LGI4: variants seen among roughly 807,000 people sequenced by gnomAD.
LGI4 encodes the protein leucine-rich repeat LGI family member 4.
In LGI4, 36 loss-of-function variants were observed where a neutral mutation model predicts 48.3. The ratio of observed to expected loss-of-function variants is 0.75; its 90% CI spans 0.57 to 0.98. The LOEUF (loss-of-function observed/expected upper bound fraction) is 0.98, where lower values mean the gene tolerates loss of function less well. Ranked by LOEUF, LGI4 falls within the 50% of genes least tolerant of loss-of-function variation. The pLI, the probability that LGI4 is intolerant of heterozygous loss-of-function variation, is 0.00. For synonymous variants in LGI4, 355 were observed against 331.6 expected (o/e 1.07, Z -0.77); for missense variants, 701 against 732.1 (o/e 0.96, Z 0.49).
Position 35,134,723 on chromosome 19 carries a change from C to G in LGI4, c.-43G>C. The G allele has an allele frequency of 1.8e-6, 2 of 1,106,648 alleles. No homozygotes were observed. The highest frequency in any genetic ancestry group is 4.8e-5 in the Admixed American group (2 of 41,472). The allele number at this position is 1,106,648 out of a possible 1,614,324, so 68.6% of individuals were successfully genotyped here. ...GAGGCACCCGCTTCTCCCGGCCCACCCAGCTCAGCCCAGGCCACTACGTCT... is the reference window on the plus strand; with the variant it reads ...GAGGCACCCGCTTCTCCCGGCCCACGCAGCTCAGCCCAGGCCACTACGTCT... On this transcript the variant is annotated 5_prime_UTR_variant, in exon 1 of 9. Transcript: ENST00000310123.
Position 35,131,489 on chromosome 19 carries a change from G to C in LGI4, c.525C>G (p.Thr175=). 2 of 1,551,262 alleles carry C rather than the reference G, an allele frequency of 1.3e-6. No individual in the cohort carries two copies. The highest frequency in any genetic ancestry group is 1.7e-6 in the Non-Finnish European group (2 of 1,146,958). The change falls in exon 6 of 9, where the codon ACC becomes ACG. Residue 175 remains threonine, a synonymous_variant. Coordinates refer to ENST00000310123, the MANE Select transcript of LGI4 (RefSeq NM_139284.3). ...RVLWLLQWMP[T]VNASVGTGAC... ...CGCCGGTCCCCACGCTGGCATTCACGGTGGGCATCCACTGCAGGAGCCAGA... is the reference window on the plus strand; with the variant it reads ...CGCCGGTCCCCACGCTGGCATTCACCGTGGGCATCCACTGCAGGAGCCAGA...
chr19:35,128,195 TGA>T, intron 6 of LGI4, among the ~76,000 whole-genome samples: 1 of 152,322 alleles, frequency 6.6e-6, no homozygotes, highest in South Asian at 2.1e-4. Context: ...CATGGTATTT[TGA>T]GAGTTTGTGA....
chr19:35,126,522 C>T lies in LGI4; in HGVS notation c.1047G>A (p.Gly349=). The T allele has an allele frequency of 2.6e-6, 4 of 1,544,114 alleles. No individual in the cohort carries two copies. The highest frequency in any genetic ancestry group is 3.5e-6 in the Non-Finnish European group (4 of 1,149,638). ...AGSTTLLCRD[G]PGFYPHQSLH... ...GGCTCTGGTGCGGGTAAAAGCCGGGCCCGTCGCGGCACAGCAGCGTGGTGC... is the reference window on the plus strand; with the variant it reads ...GGCTCTGGTGCGGGTAAAAGCCGGGTCCGTCGCGGCACAGCAGCGTGGTGC... Residue 349 remains glycine (G), a synonymous_variant, in exon 8 of 9, where the codon GGG becomes GGA. Coordinates refer to ENST00000310123, the MANE Select transcript of LGI4 (RefSeq NM_139284.3).
chr19:35,128,092 C>T (rs1417560602), intron 6 of LGI4, among the ~76,000 whole-genome samples: 1 of 152,358 alleles, frequency 6.6e-6, no homozygotes, highest in East Asian at 1.9e-4. Flanking sequence ...GTGGGTGTGC[C>T]ACAACCTGGT....
rs1032213758 is a variant in LGI4 at position 35,135,043 on chromosome 19, T to C, written c.-363A>G. 14 of 190,556 alleles carry C rather than the reference T, an allele frequency of 7.3e-5. No individual in the cohort carries two copies. The highest frequency in any genetic ancestry group is 3.3e-4 in the African/African-American group (14 of 42,380). 11.8% of individuals were successfully genotyped at this position (190,556 alleles called of 1,614,324 possible). ...ATCTGTTGGTCTCTATGTGTGTGAGTGTATGTGAGTGTGTGTGTGTCCTGC... is the reference window on the plus strand; with the variant it reads ...ATCTGTTGGTCTCTATGTGTGTGAGCGTATGTGAGTGTGTGTGTGTCCTGC... On this transcript the variant is annotated 5_prime_UTR_variant, in exon 1 of 9. Coordinates refer to ENST00000310123, the MANE Select transcript of LGI4 (RefSeq NM_139284.3).
At chr19:35,132,302 C>T (rs2145367929) in intron 3 of LGI4, among the ~76,000 whole-genome samples, 1 of 152,244 alleles carries the variant, frequency 6.6e-6, no homozygotes, top group East Asian at 1.9e-4. Context: ...CCAGTGCTGA[C>T]ACCCAAATCA....
rs550380318 is a variant in LGI4 at position 35,131,956 on chromosome 19, G to A, written c.386+15C>T. On this transcript the variant is annotated intron_variant, in intron 4 of 8. Coordinates refer to ENST00000310123, the MANE Select transcript of LGI4 (RefSeq NM_139284.3). ...GGTGCCTCTCATGGAGGGCTGGGGC[G>A]GTGGAGGCACGCACAGGTGTGTAAG... The A allele has an allele frequency of 5.1e-6, 8 of 1,584,138 alleles. No individual in the cohort carries two copies. Among genetic ancestry groups the A allele is most frequent in the Admixed American group, 1.8e-5 (1 of 55,412 alleles).
rs1178996298 is a variant in LGI4 at position 35,125,397 on chromosome 19, GC to G, written c.1409del (p.Gly470AlafsTer99). ...GGACCTGGCTGAAGGCGAAGTCGCT[GC>G]CTAGGATGGCCAGCTGGTCCCTGGC... is the stretch of plus-strand genomic sequence containing the variant. ...LIARDQLAIL[G>X]SDFAFSQVLR... On this transcript the variant is annotated frameshift_variant, in exon 9 of 9. Transcript: ENST00000310123. LOFTEE classifies it high-confidence loss of function. 6.2e-7 allele frequency: 1 copy of G among 1,611,902 alleles called. No individual in the cohort carries two copies. Among genetic ancestry groups the G allele is most frequent in the East Asian group, 2.2e-5 (1 of 44,808 alleles).
intron 8 of LGI4, 86 bp from the exon 9 acceptor site, chr19:35,125,593 C>A (rs2065128194): frequency 1.2e-5 from 13 of 1,111,750 alleles, no homozygotes; most frequent in Non-Finnish European, 1.7e-5. Flanking sequence ...CCTGTCGGTC[C>A]CAAAACTCCC....
At position 35,125,031 on chromosome 19, in the gene LGI4, G is replaced by A. The variant is rs1486732910; in HGVS notation, c.*162C>T. 1.1e-5 allele frequency: 6 copies of A among 555,090 alleles called. No individual in the cohort carries two copies. Among genetic ancestry groups the A allele is most frequent in the Non-Finnish European group, 1.5e-5 (5 of 334,374 alleles). The allele number at this position is 555,090 out of a possible 1,614,324, so 34.4% of individuals were successfully genotyped here. A position where few individuals can be genotyped will look rare whatever the true frequency, so the allele number is the denominator to read the frequency against. On this transcript the variant is annotated 3_prime_UTR_variant, in exon 9 of 9. Coordinates refer to ENST00000310123, the MANE Select transcript of LGI4 (RefSeq NM_139284.3). Reference sequence around the variant, plus strand: ...TGGGACCCTCTATGTCCCCCCATGGGTGCAGATCCTTTAAGAAGTGGGCTT... The same window carrying A: ...TGGGACCCTCTATGTCCCCCCATGGATGCAGATCCTTTAAGAAGTGGGCTT...
chr19:35,133,332 T>C, intron 3 of LGI4: 2 of 1,109,698 alleles, frequency 1.8e-6, no homozygotes, highest in South Asian at 5.0e-5. Flanking sequence ...TTCAGAGTTG[T>C]TTCCTGGTCA....
intron 6 of LGI4, among the ~76,000 whole-genome samples, chr19:35,129,128 G>A (rs554806016): frequency 6.6e-6 from 1 of 152,084 alleles, no homozygotes. Flanking sequence ...GGCTCAGGTC[G>A]CAACCACAGT....
At position 35,134,113 on chromosome 19, in the gene LGI4, G is replaced by T. The variant is rs1369295284; in HGVS notation, c.171-9C>A. The stretch of plus-strand genomic sequence containing the variant: ...CCGTCCTGACGAGTGAGCTGGGGAT[G>T]TGGGCAGTGGTAGGTGAGAGGGACA... On this transcript the variant is annotated splice_polypyrimidine_tract_variant and intron_variant, in intron 1 of 8. Transcript: ENST00000310123. 6.4e-7 allele frequency: 1 copy of T among 1,560,586 alleles called. No homozygotes were observed. The highest frequency in any genetic ancestry group is 1.4e-5 in the African/African-American group (1 of 73,762).
At position 35,124,559 on chromosome 19, in the gene LGI4, C is replaced by G. The variant is rs1484359374; in HGVS notation, c.*634G>C. On this transcript the variant is annotated 3_prime_UTR_variant, in exon 9 of 9. Coordinates refer to ENST00000310123, the MANE Select transcript of LGI4 (RefSeq NM_139284.3). ...TGAGCTCGGACTCGTCTTGTCCTTG[C>G]CTCCGTCGCCCATCTAGAAGGGCAC... 6.6e-6 allele frequency: 1 copy of G among 152,270 alleles called. No individual in the cohort carries two copies. The highest frequency in any genetic ancestry group is 6.5e-5 in the Admixed American group (1 of 15,288). 9.4% of individuals were successfully genotyped at this position (152,270 alleles called of 1,614,324 possible).
In LGI4 at chr19:35,124,573, C is replaced by G. The variant is rs2065115102; in HGVS notation, c.*620G>C. 2 of 152,390 alleles carry G rather than the reference C, an allele frequency of 1.3e-5. No homozygotes were observed. Among genetic ancestry groups the G allele is most frequent in the African/African-American group, 4.8e-5 (2 of 41,558 alleles). 9.4% of individuals were successfully genotyped at this position (152,390 alleles called of 1,614,324 possible). A position where few individuals can be genotyped will look rare whatever the true frequency, so the allele number is the denominator to read the frequency against. The stretch of plus-strand genomic sequence containing the variant: ...TCTTGTCCTTGCCTCCGTCGCCCAT[C>G]TAGAAGGGCACCAGGCTCCCCGCGA... On this transcript the variant is annotated 3_prime_UTR_variant, in exon 9 of 9. Coordinates refer to ENST00000310123, the MANE Select transcript of LGI4 (RefSeq NM_139284.3).
intron 8 of LGI4, chr19:35,125,761 C>T: frequency 1.5e-6 from 1 of 669,064 alleles, no homozygotes; most frequent in Non-Finnish European, 2.7e-6. Flanking sequence ...CTCCCACCAC[C>T]TCTGGCTGAA....
At position 35,126,495 on chromosome 19, in the gene LGI4, C is replaced by T; in HGVS notation, c.1074G>A (p.Leu358=). The change falls in exon 8 of 9, where the codon CTG becomes CTA. Residue 358 remains leucine, a synonymous_variant. Transcript: ENST00000310123. ...CGTCCGTGTCCCGGTGCCAGGCGTG[C>T]AGGCTCTGGTGCGGGTAAAAGCCGG... ...DGPGFYPHQS[L]HAWHRDTDAE... is the part of the protein sequence containing the mutation. 1 of 1,556,840 alleles carries T rather than the reference C, an allele frequency of 6.4e-7. No homozygotes were observed.
Position 35,126,112 on chromosome 19 carries a change from T to A in LGI4, c.1299+158A>T, listed in dbSNP as rs1280777649. 1.0e-5 allele frequency: 8 copies of A among 768,812 alleles called. No homozygotes were observed. In the South Asian group the frequency reaches 1.4e-4, roughly 14 times the overall value. 47.6% of individuals were successfully genotyped at this position (768,812 alleles called of 1,614,324 possible). On this transcript the variant is annotated intron_variant, in intron 8 of 8. Coordinates refer to ENST00000310123, the MANE Select transcript of LGI4 (RefSeq NM_139284.3). Reference sequence around the variant, plus strand: ...TCGGGGACTGGGGAGTGGTTCGGAGTCAGCCAGCCTTGAGGGGGTCAGAGT... The same window carrying A: ...TCGGGGACTGGGGAGTGGTTCGGAGACAGCCAGCCTTGAGGGGGTCAGAGT...
intron 3 of LGI4, 24 bp from the exon 4 acceptor site, chr19:35,132,066 G>A (rs758592633): frequency 1.1e-5 from 17 of 1,555,270 alleles, no homozygotes; most frequent in Non-Finnish European, 1.5e-5. Context: ...CTGGGGTCAG[G>A]GGGAGGCCCG....
Sources: allele counts gnomAD v4.1 joint callset (sites outside exome capture counted in the v4.1 genomes callset), GRCh38; gene constraint gnomAD v4.1.1; transcripts MANE v1.5; gene names NCBI Gene and HGNC (gene_info 2026-07-23, HGNC 2026-07-21).